The following TRAPPC9 variants were observed in gnomAD, a reference collection of about 807,000 sequenced individuals.
The protein encoded by TRAPPC9 is IKK2 binding protein.
TRAPPC9 carries 83 observed loss-of-function variants against 124.0 expected under a neutral mutation model. The observed-to-expected ratio is 0.67, with a 90% confidence interval of 0.56 to 0.80. The LOEUF is 0.80. Ranked by LOEUF, TRAPPC9 falls within the 30% of genes least tolerant of loss-of-function variation. The probability of loss-of-function intolerance (pLI) is 0.00; values close to 1 mark genes in which losing one functional copy is unlikely to be tolerated. For missense variants in TRAPPC9, 1,302 were observed against 1,508.3 expected (o/e 0.86, Z 2.27); for synonymous variants, 638 against 617.5 (o/e 1.03, Z -0.49).
intron 4 of TRAPPC9, 56 bp downstream of exon 4, chr8:140,435,056 T>A: frequency 6.2e-7 from 1 of 1,612,922 alleles, no homozygotes; most frequent in Non-Finnish European, 8.5e-7. Flanking sequence ...AACAAATGAG[T>A]CTGCTTTATT....
intron 17 of TRAPPC9, among the ~76,000 whole-genome samples, chr8:140,092,934 G>A (rs80302757): frequency 1.3e-5 from 2 of 152,076 alleles, no homozygotes; most frequent in Non-Finnish European, 2.9e-5. Context: ...ATTTGTTAAA[G>A]GGGGATAATC....
intron 17 of TRAPPC9, among the ~76,000 whole-genome samples, chr8:140,205,299 C>T (rs775937102): frequency 1.8e-4 from 27 of 152,304 alleles, no homozygotes; most frequent in Middle Eastern, 3.4e-3. Flanking sequence ...CTGCATGATA[C>T]AGGAAACCAT....
At position 139,732,089 on chromosome 8, in the gene TRAPPC9, G is replaced by T; in HGVS notation, c.3169C>A (p.Pro1057Thr). Reference sequence around the variant, plus strand: ...AAGGGGACCACAGTGAGGGCGAAGGGCCCTACGCTGCGCGGGCTCCGGTTG... The same window carrying T: ...AAGGGGACCACAGTGAGGGCGAAGGTCCCTACGCTGCGCGGGCTCCGGTTG... ...LTNRSPRSVG[P>T]FALTVVPFQD... Residue 1057 changes from proline to threonine, a missense_variant, in exon 22 of 23, where the codon CCC becomes ACC. Pro to Thr is a conservative substitution (Grantham distance 38). Coordinates refer to ENST00000438773, the MANE Select transcript of TRAPPC9 (RefSeq NM_001160372.4). 2 of 1,605,782 alleles carry T rather than the reference G, an allele frequency of 1.2e-6. No individual in the cohort carries two copies. Among genetic ancestry groups the T allele is most frequent in the Non-Finnish European group, 1.7e-6 (2 of 1,176,522 alleles).
intron 7 of TRAPPC9, among the ~76,000 whole-genome samples, chr8:140,379,215 C>T (rs1336560076): frequency 8.5e-5 from 13 of 152,214 alleles, no homozygotes; most frequent in African/African-American, 2.6e-4. Flanking sequence ...TGCTGGTGTC[C>T]GAGGCAGGCC....
intron 9 of TRAPPC9, among the ~76,000 whole-genome samples, chr8:140,341,202 A>G (rs1369721053): frequency 6.6e-6 from 1 of 152,212 alleles, no homozygotes; most frequent in Non-Finnish European, 1.5e-5. Flanking sequence ...ATTAATACAT[A>G]TGAAATATAA....
intron 1 of TRAPPC9, among the ~76,000 whole-genome samples, chr8:140,456,156 T>C (rs2071655672): frequency 6.6e-6 from 1 of 152,152 alleles, no homozygotes; most frequent in Non-Finnish European, 1.5e-5. Flanking sequence ...ACGCCTGTAA[T>C]CCCAGTACTT....
At chr8:140,423,302 T>C (rs2070287146) in intron 5 of TRAPPC9, among the ~76,000 whole-genome samples, 1 of 152,000 alleles carries the variant, frequency 6.6e-6, no homozygotes, top group Admixed American at 6.6e-5. Flanking sequence ...TAGCCAGGCA[T>C]GGTGGTGGGC....
chr8:140,453,161 G>A (rs1021815919), intron 1 of TRAPPC9, among the ~76,000 whole-genome samples: 4 of 152,008 alleles, frequency 2.6e-5, no homozygotes, highest in African/African-American at 9.7e-5. Flanking sequence ...AAGATGCCTC[G>A]ATACACACCT....
At chr8:139,797,638 A>ATTCTGTGT (rs1255551126) in intron 21 of TRAPPC9, among the ~76,000 whole-genome samples, 1 of 152,212 alleles carries the variant, frequency 6.6e-6, no homozygotes, top group African/African-American at 2.4e-5. Flanking sequence ...CCATGGAAGA[A>ATTCTGTGT]TTCTGTGTTT....
chr8:140,029,641 A>AT (rs1563702694), intron 17 of TRAPPC9, among the ~76,000 whole-genome samples: 9 of 148,062 alleles, frequency 6.1e-5, no homozygotes, highest in South Asian at 2.1e-4. Context: ...TAAAATTAAA[A>AT]ATATATATAT....
At chr8:139,765,312 G>T (rs757888413) in intron 21 of TRAPPC9, among the ~76,000 whole-genome samples, 1 of 152,226 alleles carries the variant, frequency 6.6e-6, no homozygotes, top group Non-Finnish European at 1.5e-5. Context: ...CACTGAATGG[G>T]ATTCCTAAAG....
chr8:139,729,859 G>A lies in TRAPPC9; in HGVS notation c.*1202C>T, dbSNP rs953693451. Among the ~76,000 whole-genome samples, 6 of 152,184 alleles carry A rather than the reference G, an allele frequency of 3.9e-5. No homozygotes were observed. Among genetic ancestry groups the A allele is most frequent in the Admixed American group, 2.0e-4 (3 of 15,292 alleles). On this transcript the variant is annotated 3_prime_UTR_variant, in exon 23 of 23. Transcript: ENST00000438773. ...CTCTGTCCCCCAATACTCCATGGGA[G>A]TTTCAGTGCCCAACGGGCACCTGAC... is the stretch of plus-strand genomic sequence containing the variant.
chr8:140,160,713 G>A (rs139639546), intron 17 of TRAPPC9, among the ~76,000 whole-genome samples: 75 of 152,166 alleles, frequency 4.9e-4, no homozygotes, highest in East Asian at 3.9e-3. Context: ...GTTGATGGGT[G>A]CAGCACATCA....
At chr8:139,856,735 A>T (rs1220605787) in intron 21 of TRAPPC9, among the ~76,000 whole-genome samples, 1 of 23,222 alleles carries the variant, frequency 4.3e-5, no homozygotes, top group Non-Finnish European at 1.4e-4. Flanking sequence ...CAGCACCTGC[A>T]AAAAAAAAAA....
intron 15 of TRAPPC9, among the ~76,000 whole-genome samples, chr8:140,263,436 TG>T (rs2064499391): frequency 1.3e-5 from 2 of 152,150 alleles, no homozygotes; most frequent in African/African-American, 4.8e-5. Context: ...AGCCATGGGA[TG>T]GATTTCCCTG....
intron 17 of TRAPPC9, among the ~76,000 whole-genome samples, chr8:140,067,881 C>A (rs1268270493): frequency 6.6e-6 from 1 of 152,176 alleles, no homozygotes; most frequent in Non-Finnish European, 1.5e-5. Context: ...CTCTACAGGA[C>A]TGTGGAAAGA....
rs9324514 is a variant in TRAPPC9, at chr8:139,817,998, C to A, written c.3055+67881G>T. On this transcript the variant is annotated intron_variant, in intron 21 of 22. Transcript: ENST00000438773. ...GTTCCACAATTTATTCTTAAGCTACCGTGTGTACCAGTATATGCTAAGTAA... is the reference window on the plus strand; with the variant it reads ...GTTCCACAATTTATTCTTAAGCTACAGTGTGTACCAGTATATGCTAAGTAA... Among the ~76,000 whole-genome samples the A allele has an allele frequency of 9.9e-5, 15 of 152,116 alleles. No homozygotes were observed. The South Asian group carries it at 1.2e-3, about 13-fold the overall frequency.
chr8:140,228,246 C>T (rs749729185), intron 16 of TRAPPC9, among the ~76,000 whole-genome samples: 1 of 152,200 alleles, frequency 6.6e-6, no homozygotes, highest in African/African-American at 2.4e-5. Flanking sequence ...AGGCAACAAT[C>T]GCTCAGTGGG....
intron 17 of TRAPPC9, among the ~76,000 whole-genome samples, chr8:140,029,520 A>C (rs6998693): frequency 0.15 from 22,107 of 152,008 alleles, 1,958 homozygotes; most frequent in African/African-American, 0.24. Context: ...ACAAACAAAC[A>C]AACAAACAAA....
Sources: gnomAD v4.1 joint callset for allele counts (sites outside exome capture counted in the v4.1 genomes callset) on GRCh38, gnomAD v4.1.1 for gene constraint, MANE v1.5 for transcripts, NCBI Gene and HGNC (gene_info 2026-07-23, HGNC 2026-07-21) for gene names.